Variants in PSMF1 observed in about 807,000 individuals in gnomAD.
The protein encoded by PSMF1 is proteasome inhibitor subunit 1.
A neutral mutation model predicts 29.3 loss-of-function variants in PSMF1; 30 were observed. The observed-to-expected ratio is 1.02, with a 90% CI of 0.77 to 1.39. The LOEUF is 1.39. PSMF1 is among the 40% of genes most tolerant of loss of function. The pLI is 0.00. For missense variants in PSMF1, 344 were observed against 357.5 expected, an observed-to-expected ratio of 0.96 and a Z score of 0.31; for synonymous variants, 134 against 139.7, an observed-to-expected ratio of 0.96 and a Z score of 0.29.
chr20:1,145,474 G>A (rs1172252285), intron 4 of PSMF1, among the ~76,000 whole-genome samples: 2 of 152,168 alleles, frequency 1.3e-5, no homozygotes, highest in Non-Finnish European at 2.9e-5. Context: ...AGAATAAGGA[G>A]GAGATGTTAG....
At chr20:1,150,637 T>C (rs888656804) in intron 4 of PSMF1, among the ~76,000 whole-genome samples, 1 of 152,226 alleles carries the variant, frequency 6.6e-6, no homozygotes, top group Non-Finnish European at 1.5e-5. Flanking sequence ...TGGCATTGTT[T>C]ATATAATATA....
chr20:1,128,937 G>A (rs140287319), intron 3 of PSMF1, among the ~76,000 whole-genome samples: 3,334 of 151,850 alleles, frequency 0.022, 130 homozygotes, highest in African/African-American at 0.076. Flanking sequence ...GTGCAGTGGC[G>A]CGATCTCGGC....
intron 4 of PSMF1, among the ~76,000 whole-genome samples, chr20:1,155,688 C>T (rs1225182847): frequency 2.0e-5 from 3 of 152,238 alleles, no homozygotes; most frequent in African/African-American, 7.2e-5. Context: ...TACAGGAGAA[C>T]TGGCTCTTCA....
upstream of PSMF1, among the ~76,000 whole-genome samples, chr20:1,113,629 A>G (rs2085987772): frequency 6.6e-6 from 1 of 151,958 alleles, no homozygotes; most frequent in Non-Finnish European, 1.5e-5. Flanking sequence ...CTTTCAATAC[A>G]CTGATGCCAG....
At chr20:1,147,074 G>A (rs1356298401) in intron 4 of PSMF1, among the ~76,000 whole-genome samples, 1 of 152,120 alleles carries the variant, frequency 6.6e-6, no homozygotes, top group African/African-American at 2.4e-5. Context: ...TGTCAGCCCA[G>A]AGCGGGTGTT....
In PSMF1 at chr20:1,166,889, T is replaced by G. The variant is rs1428458808; in HGVS notation, c.*1809T>G. On this transcript the variant is annotated 3_prime_UTR_variant, in exon 7 of 7. Transcript: ENST00000335877. ...ATAAAAGGAAGTATTTAAAGGATGA[T>G]AGAGACCATCAGATAGAAGCAGGGA... 6.6e-6 allele frequency: 1 copy of G among 152,358 alleles called. No individual in the cohort carries two copies. The highest frequency in any genetic ancestry group is 1.5e-5 in the Non-Finnish European group (1 of 68,192). 9.4% of individuals were successfully genotyped at this position (152,358 alleles called of 1,614,324 possible).
chr20:1,143,197 T>C (rs1018895687), intron 4 of PSMF1, among the ~76,000 whole-genome samples: 2 of 152,192 alleles, frequency 1.3e-5, no homozygotes, highest in Non-Finnish European at 1.5e-5. Context: ...AAGATAGCTA[T>C]AACAATTTTT....
Position 1,170,547 on chromosome 20 carries a change from A to G in PSMF1, c.*5467A>G, listed in dbSNP as rs2086780020. ...AGGTGTTATCCCCATTTCCTGTACCAGAAAAGGAAGGATTGGGAAGGTCCA... is the reference window on the plus strand; with the variant it reads ...AGGTGTTATCCCCATTTCCTGTACCGGAAAAGGAAGGATTGGGAAGGTCCA... On this transcript the variant is annotated 3_prime_UTR_variant, in exon 7 of 7. Transcript: ENST00000335877. Among the ~76,000 whole-genome samples, 1 of 152,106 alleles carries G rather than the reference A, an allele frequency of 6.6e-6. No individual in the cohort carries two copies.
rs1191393956 is a variant in PSMF1, at chr20:1,164,032, A to G, written c.606-286A>G. ...AAGTTGGCCCTCTTGAGTATATGAT[A>G]TGGCAGGGATCTCAATTTTGAGGAG... On this transcript the variant is annotated intron_variant, in intron 5 of 6. Coordinates refer to ENST00000335877, the MANE Select transcript of PSMF1 (RefSeq NM_006814.5). This position sits in a 1 kb window ranked among gnomAD's most constrained non-coding sequence, Gnocchi z 4.1. Among the ~76,000 whole-genome samples the G allele has an allele frequency of 6.6e-6, 1 of 152,154 alleles. No homozygotes were observed. The highest frequency in any genetic ancestry group is 1.5e-5 in the Non-Finnish European group (1 of 68,028).
chr20:1,164,524 T>C lies in PSMF1; in HGVS notation c.764+48T>C, dbSNP rs374601104. The C allele has an allele frequency of 7.9e-5, 126 of 1,601,708 alleles. No individual in the cohort carries two copies. The highest frequency in any genetic ancestry group is 1.1e-4 in the Non-Finnish European group (124 of 1,170,546). On this transcript the variant is annotated intron_variant, in intron 6 of 6. Transcript: ENST00000335877. This position sits in a 1 kb window ranked among gnomAD's most constrained non-coding sequence, Gnocchi z 4.1. ...TGAGAAGTAGGACCTGATGGCAGCT[T>C]GGTTCAGTGTGGCAGCAATGAAGGT...
intron 4 of PSMF1, among the ~76,000 whole-genome samples, chr20:1,137,718 A>G (rs1265105133): frequency 1.3e-5 from 2 of 152,246 alleles, no homozygotes; most frequent in Non-Finnish European, 2.9e-5. Flanking sequence ...AACTAATTCA[A>G]AAAATTATTT....
chr20:1,160,503 T>A, intron 4 of PSMF1: 1 of 271,528 alleles, frequency 3.7e-6, no homozygotes, highest in Admixed American at 4.3e-5. Context: ...GAGAGATATA[T>A]AAGAGGGTCT....
chr20:1,139,572 C>T (rs1021942419), intron 4 of PSMF1, among the ~76,000 whole-genome samples: 5 of 151,900 alleles, frequency 3.3e-5, no homozygotes, highest in Admixed American at 6.6e-5. Context: ...GGTGAAACCC[C>T]GTCTCTACTA....
chr20:1,164,201 C>T lies in PSMF1; in HGVS notation c.606-117C>T. 9.1e-7 allele frequency: 1 copy of T among 1,095,936 alleles called. No homozygotes were observed. The highest frequency in any genetic ancestry group is 1.4e-6 in the Non-Finnish European group (1 of 727,098). 67.9% of individuals were successfully genotyped at this position (1,095,936 alleles called of 1,614,324 possible). ...TCTCAGGCAGCCATCCACATGTCTG[C>T]TTGGGCCATCCAGAGTAGACATCCC... On this transcript the variant is annotated intron_variant, in intron 5 of 6. Coordinates refer to ENST00000335877, the MANE Select transcript of PSMF1 (RefSeq NM_006814.5). This position sits in a 1 kb window ranked among gnomAD's most constrained non-coding sequence, Gnocchi z 4.1.
chr20:1,120,979 A>G (rs1203173550), intron 1 of PSMF1, among the ~76,000 whole-genome samples: 2 of 151,726 alleles, frequency 1.3e-5, no homozygotes, highest in Non-Finnish European at 2.9e-5. Context: ...TCTTACCCTC[A>G]CTCATGCTGT....
At position 1,150,671 on chromosome 20, in the gene PSMF1, A is replaced by T. The variant is rs1460321341; in HGVS notation, c.552-12459A>T. 3.9e-5 allele frequency among the ~76,000 whole-genome samples: 6 copies of T among 152,112 alleles called. No individual in the cohort carries two copies. In the South Asian group the frequency reaches 8.3e-4, roughly 21 times the overall value. The stretch of plus-strand genomic sequence containing the variant: ...TATTCTGAATTTAAGTCCTTCATTA[A>T]ATATATGTATTACAAATGTCTTCCT... On this transcript the variant is annotated intron_variant, in intron 4 of 6. Coordinates refer to ENST00000335877, the MANE Select transcript of PSMF1 (RefSeq NM_006814.5).
intron 1 of PSMF1, among the ~76,000 whole-genome samples, chr20:1,122,115 T>C (rs1393779222): frequency 6.6e-6 from 1 of 152,076 alleles, no homozygotes; most frequent in Non-Finnish European, 1.5e-5. Flanking sequence ...AAGACAATTA[T>C]CTTTATTCTC....
intron 4 of PSMF1, among the ~76,000 whole-genome samples, chr20:1,147,671 T>C (rs2086471564): frequency 6.6e-6 from 1 of 152,172 alleles, no homozygotes; most frequent in African/African-American, 2.4e-5. Flanking sequence ...AGATCTCCCC[T>C]CTGTAATCAC....
chr20:1,137,037 C>T (rs62186926), intron 4 of PSMF1, among the ~76,000 whole-genome samples: 2 of 152,178 alleles, frequency 1.3e-5, no homozygotes, highest in African/African-American at 4.8e-5. Context: ...GCAGGTCATT[C>T]TTCATTTCGT....
Sources: gnomAD v4.1 joint callset for allele counts (sites outside exome capture counted in the v4.1 genomes callset) on GRCh38, gnomAD v4.1.1 for gene constraint, Gnocchi (gnomAD v3.1) non-coding constraint, MANE v1.5 for transcripts, NCBI Gene and HGNC (gene_info 2026-07-23, HGNC 2026-07-21) for gene names.